ASB1: variants seen among roughly 807,000 people sequenced by gnomAD.
The protein encoded by ASB1 is ankyrin repeat and SOCS box protein 1.
ASB1 carries 18 observed loss-of-function variants against 27.7 expected under a neutral mutation model. The observed-to-expected ratio is 0.65, with a 90% CI of 0.45 to 0.96. ASB1 has a LOEUF of 0.96. ASB1 is among the 50% of genes least tolerant of loss of function. The pLI is 0.00. For missense variants in ASB1, 397 were observed against 451.7 expected, an observed-to-expected ratio of 0.88 and a Z score of 1.10; for synonymous variants, 189 against 187.6, an observed-to-expected ratio of 1.01 and a Z score of -0.06.
In ASB1 at chr2:238,450,369, A is replaced by G. The variant is rs1386306597; in HGVS notation, c.*3858A>G. 1 of 152,236 alleles carries G rather than the reference A, an allele frequency of 6.6e-6. No homozygotes were observed. Among genetic ancestry groups the G allele is most frequent in the Non-Finnish European group, 1.5e-5 (1 of 68,036 alleles). The allele number at this position is 152,236 out of a possible 1,614,324, so 9.4% of individuals were successfully genotyped here. On this transcript the variant is annotated 3_prime_UTR_variant, in exon 5 of 5. Coordinates refer to ENST00000264607, the MANE Select transcript of ASB1 (RefSeq NM_001040445.3). ...TTTTCTTCCTTATTTGGATGATAAAATTTCCTTTTATGTAATGAAGGTAAA... is the reference window on the plus strand; with the variant it reads ...TTTTCTTCCTTATTTGGATGATAAAGTTTCCTTTTATGTAATGAAGGTAAA...
chr2:238,441,977 T>A (rs1436518943), intron 3 of ASB1, among the ~76,000 whole-genome samples: 3 of 152,212 alleles, frequency 2.0e-5, no homozygotes, highest in Admixed American at 2.0e-4. Context: ...CCTAAAAGCC[T>A]GGTCAATAAA....
rs527823933 is a variant in ASB1 at position 238,434,751 on chromosome 2, T to C, written c.192-960T>C. On this transcript the variant is annotated intron_variant, in intron 2 of 4. Coordinates refer to ENST00000264607, the MANE Select transcript of ASB1 (RefSeq NM_001040445.3). ...AACTTGCAGATGTAACAGAATGAAA[T>C]AGAGTTCGGTGAGGTCTCAGCCCAA... Among the ~76,000 whole-genome samples the C allele has an allele frequency of 3.9e-5, 6 of 152,322 alleles. 1 individual carries two copies. In the South Asian group the frequency reaches 1.2e-3, roughly 32 times the overall value.
At chr2:238,432,319 T>C (rs1288334154) in intron 1 of ASB1, among the ~76,000 whole-genome samples, 1 of 152,276 alleles carries the variant, frequency 6.6e-6, no homozygotes, top group Non-Finnish European at 1.5e-5. Flanking sequence ...TTAAAATTCC[T>C]TGATTATTGA....
chr2:238,440,188 T>C, intron 3 of ASB1, among the ~76,000 whole-genome samples: 1 of 152,254 alleles, frequency 6.6e-6, no homozygotes, highest in East Asian at 1.9e-4. Flanking sequence ...TCATTTCTCC[T>C]AGGAGTCCTG....
At chr2:238,437,509 C>T (rs1160915726) in intron 3 of ASB1, among the ~76,000 whole-genome samples, 2 of 151,978 alleles carry the variant, frequency 1.3e-5, no homozygotes, top group East Asian at 1.9e-4. Flanking sequence ...GTATTACAGG[C>T]GTGAGCCACA....
intron 3 of ASB1, among the ~76,000 whole-genome samples, chr2:238,438,490 G>A (rs368028825): frequency 3.3e-5 from 5 of 152,098 alleles, no homozygotes; most frequent in Admixed American, 1.3e-4. Context: ...GTGAGCCACC[G>A]CGCCCGGCCA....
intron 1 of ASB1, among the ~76,000 whole-genome samples, chr2:238,431,088 A>G (rs777486291): frequency 6.6e-6 from 1 of 152,260 alleles, no homozygotes; most frequent in Non-Finnish European, 1.5e-5. Context: ...CTCTCTAGCT[A>G]TGAAAGTCCT....
intron 3 of ASB1, 140 bp downstream of exon 3, chr2:238,436,153 C>T (rs1701967489): frequency 1.5e-6 from 1 of 671,686 alleles, no homozygotes; most frequent in African/African-American, 1.9e-5. Context: ...TGCCTCTTGG[C>T]TTTATCAGGT....
At chr2:238,441,080 C>T (rs988814489) in intron 3 of ASB1, among the ~76,000 whole-genome samples, 7 of 151,782 alleles carry the variant, frequency 4.6e-5, no homozygotes, top group East Asian at 3.9e-4. Context: ...TAGTGGGCAG[C>T]GCATCATGGC....
In ASB1 at chr2:238,448,595, G is replaced by A. The variant is rs1383532117; in HGVS notation, c.*2084G>A. ...ATACGCTCTGCGTCTGCTCTACTGA[G>A]TACTTTCTGCAGGGGCCTGTTAAGG... On this transcript the variant is annotated 3_prime_UTR_variant, in exon 5 of 5. Coordinates refer to ENST00000264607, the MANE Select transcript of ASB1 (RefSeq NM_001040445.3). 1 of 152,272 alleles carries A rather than the reference G, an allele frequency of 6.6e-6. No homozygotes were observed. Among genetic ancestry groups the A allele is most frequent in the East Asian group, 1.9e-4 (1 of 5,184 alleles). 9.4% of individuals were successfully genotyped at this position (152,272 alleles called of 1,614,324 possible). A position where few individuals can be genotyped will look rare whatever the true frequency, so the allele number is the denominator to read the frequency against.
At chr2:238,436,571 T>C (rs1387272592) in intron 3 of ASB1, among the ~76,000 whole-genome samples, 1 of 152,170 alleles carries the variant, frequency 6.6e-6, no homozygotes, top group Non-Finnish European at 1.5e-5. Context: ...TGATCATAGC[T>C]CACTGCAGCC....
At chr2:238,443,356 A>G (rs2106409428) in intron 3 of ASB1, among the ~76,000 whole-genome samples, 1 of 152,338 alleles carries the variant, frequency 6.6e-6, no homozygotes, top group East Asian at 1.9e-4. Flanking sequence ...TATGAAGCCT[A>G]TTGGTTTGAC....
Position 238,446,633 on chromosome 2 carries a change from C to T in ASB1, c.*122C>T, listed in dbSNP as rs912922723. ...TGGCTGTTGCTGCAGAAGATGTCCT[C>T]GTAGACTGTCATTGCTCCTCAGGTG... On this transcript the variant is annotated 3_prime_UTR_variant, in exon 5 of 5. Coordinates refer to ENST00000264607, the MANE Select transcript of ASB1 (RefSeq NM_001040445.3). 17 of 1,310,132 alleles carry T rather than the reference C, an allele frequency of 1.3e-5. No individual in the cohort carries two copies. Among genetic ancestry groups the T allele is most frequent in the East Asian group, 2.3e-5 (1 of 43,076 alleles). 81.2% of individuals were successfully genotyped at this position (1,310,132 alleles called of 1,614,324 possible).
rs1038789353 is a variant in ASB1 at position 238,449,750 on chromosome 2, T to A, written c.*3239T>A. 2.6e-5 allele frequency: 4 copies of A among 152,254 alleles called. No individual in the cohort carries two copies. The highest frequency in any genetic ancestry group is 7.2e-5 in the African/African-American group (3 of 41,470). 9.4% of individuals were successfully genotyped at this position (152,254 alleles called of 1,614,324 possible). Reference sequence around the variant, plus strand: ...GACATTTGAAAATTTAGTACATTGTTAAAATGTACTTGTTAAACAGGTAAT... The same window carrying A: ...GACATTTGAAAATTTAGTACATTGTAAAAATGTACTTGTTAAACAGGTAAT... On this transcript the variant is annotated 3_prime_UTR_variant, in exon 5 of 5. Coordinates refer to ENST00000264607, the MANE Select transcript of ASB1 (RefSeq NM_001040445.3).
At chr2:238,443,861 A>G (rs1425187647) in intron 3 of ASB1, among the ~76,000 whole-genome samples, 1 of 152,028 alleles carries the variant, frequency 6.6e-6, no homozygotes, top group East Asian at 1.9e-4. Context: ...TCTTGGGATA[A>G]CTCCCATGAG....
At chr2:238,441,434 C>A (rs1052322745) in intron 3 of ASB1, among the ~76,000 whole-genome samples, 2 of 152,160 alleles carry the variant, frequency 1.3e-5, no homozygotes, top group African/African-American at 4.8e-5. Flanking sequence ...CGCGCTTGGC[C>A]AAGGTATAAA....
Position 238,427,019 on chromosome 2 carries a change from C to T in ASB1, c.-52C>T, listed in dbSNP as rs1701766637. 1.6e-6 allele frequency: 2 copies of T among 1,229,606 alleles called. No individual in the cohort carries two copies. Among genetic ancestry groups the T allele is most frequent in the Admixed American group, 4.3e-5 (1 of 23,466 alleles). The allele number at this position is 1,229,606 out of a possible 1,614,324, so 76.2% of individuals were successfully genotyped here. A position where few individuals can be genotyped will look rare whatever the true frequency, so the allele number is the denominator to read the frequency against. On this transcript the variant is annotated 5_prime_UTR_variant, in exon 1 of 5. Coordinates refer to ENST00000264607, the MANE Select transcript of ASB1 (RefSeq NM_001040445.3). ...AAGTGGTCGCGGGTCGTTCTGCTTC[C>T]TGCCCGAGGGGCGTGCGCGGGTCAG...
chr2:238,440,199 G>A (rs1379093946), intron 3 of ASB1, among the ~76,000 whole-genome samples: 3 of 152,262 alleles, frequency 2.0e-5, no homozygotes, highest in South Asian at 4.1e-4. Context: ...AGGAGTCCTG[G>A]TTTCTTTTAG....
rs765289026 is a variant in ASB1, at chr2:238,444,664, C to A, written c.817C>A (p.Pro273Thr). The stretch of plus-strand genomic sequence containing the variant: ...TCTAGTGAAGTGGGAATCGCTGGGC[C>A]CAGAGTCGAGAGGAAGAAGAAAAGT... ...LNLVKWESLG[P>T]ESRGRRKVDP... The change falls in exon 4 of 5, where the codon CCA becomes ACA. Residue 273 changes from proline to threonine, a missense_variant. By Grantham distance (38) the Pro-to-Thr change is conservative (BLOSUM62 -1). Coordinates refer to ENST00000264607, the MANE Select transcript of ASB1 (RefSeq NM_001040445.3). 6.2e-7 allele frequency: 1 copy of A among 1,614,058 alleles called. No individual in the cohort carries two copies. The highest frequency in any genetic ancestry group is 1.1e-5 in the South Asian group (1 of 91,072).
Sources: gnomAD v4.1 joint callset for allele counts (sites outside exome capture counted in the v4.1 genomes callset) on GRCh38, gnomAD v4.1.1 for gene constraint, MANE v1.5 for transcripts, NCBI Gene and HGNC (gene_info 2026-07-23, HGNC 2026-07-21) for gene names.